The following ZNF385D variants were observed in gnomAD, a reference collection of about 807,000 sequenced individuals.
ZNF385D encodes zinc finger protein 385D.
Under a neutral mutation model 35.8 loss-of-function variants are expected in ZNF385D, and 15 were observed. The ratio of observed to expected loss-of-function variants is 0.42; its 90% CI spans 0.28 to 0.64. The LOEUF (loss-of-function observed/expected upper bound fraction) is 0.64. Among genes scored for constraint, ZNF385D ranks in the 30% least tolerant of loss-of-function variants. The pLI is 0.23. For synonymous variants in ZNF385D, 212 were observed against 186.8 expected (o/e 1.13, Z -1.10); for missense variants, 474 against 494.6 (o/e 0.96, Z 0.39).
At chr3:21,954,411 T>A (rs1182449347) in intron 3 of ZNF385D, among the ~76,000 whole-genome samples, 1 of 152,044 alleles carries the variant, frequency 6.6e-6, no homozygotes, top group East Asian at 1.9e-4. Context: ...TGGGAGTTTT[T>A]AATTATTTTA....
chr3:22,059,377 G>C (rs1289949481), intron 3 of ZNF385D, among the ~76,000 whole-genome samples: 7 of 152,186 alleles, frequency 4.6e-5, no homozygotes, highest in Non-Finnish European at 1.0e-4. Context: ...GTTGCAGCCA[G>C]CAGCAAGAAC....
In ZNF385D at chr3:21,842,017, GAATA is replaced by G. The variant is rs1374435933; in HGVS notation, c.326-176993_326-176990del. Among the ~76,000 whole-genome samples the G allele has an allele frequency of 8.6e-5, 13 of 151,238 alleles. No homozygotes were observed. The East Asian group carries it at 9.7e-4, about 11-fold the overall frequency. On this transcript the variant is annotated intron_variant, in intron 3 of 5. Transcript: ENST00000494108. The stretch of plus-strand genomic sequence containing the variant: ...ATGTATTTGTATAATATATAAAATG[GAATA>G]TATAATTGAAAATGTATTTGTATAA...
intron 4 of ZNF385D, among the ~76,000 whole-genome samples, chr3:21,439,376 G>A (rs1701745587): frequency 6.6e-6 from 1 of 151,052 alleles, no homozygotes; most frequent in Admixed American, 6.6e-5. Context: ...GTCACAGGGA[G>A]CAGTGGGCTA....
chr3:21,929,787 C>G (rs188236997), intron 3 of ZNF385D, among the ~76,000 whole-genome samples: 1 of 151,920 alleles, frequency 6.6e-6, no homozygotes, highest in South Asian at 2.1e-4. Context: ...ACAAATAATA[C>G]TGTAAGAAAT....
chr3:21,431,040 C>T (rs1701269208), intron 5 of ZNF385D: 1 of 152,138 alleles, frequency 6.6e-6, no homozygotes. Context: ...GCCTACCCAC[C>T]TATCAACTTT....
At position 21,850,835 on chromosome 3, in the gene ZNF385D, G is replaced by A. The variant is rs765342430; in HGVS notation, c.326-185807C>T. Reference sequence around the variant, plus strand: ...ACCTTTCCTAGTGGGCCTTAAAAATGTGCCTAAAAATTACAGAACAGATCC... The same window carrying A: ...ACCTTTCCTAGTGGGCCTTAAAAATATGCCTAAAAATTACAGAACAGATCC... On this transcript the variant is annotated intron_variant, in intron 3 of 5. Coordinates refer to the ZNF385D transcript ENST00000494108. Among the ~76,000 whole-genome samples the A allele has an allele frequency of 7.2e-5, 11 of 152,112 alleles. No homozygotes were observed. In the South Asian group the frequency reaches 1.2e-3, roughly 17 times the overall value.
chr3:21,543,194 T>C (rs1040961705), intron 3 of ZNF385D, among the ~76,000 whole-genome samples: 1 of 152,016 alleles, frequency 6.6e-6, no homozygotes, highest in Non-Finnish European at 1.5e-5. Context: ...GCCTGTAATC[T>C]CAGCTACACA....
intron 1 of ZNF385D, among the ~76,000 whole-genome samples, chr3:21,681,316 A>AAAAAAAAAAAAACAAAAAAAAC (rs1334410224): frequency 2.1e-5 from 3 of 141,676 alleles, no homozygotes; most frequent in East Asian, 2.1e-4. Flanking sequence ...AAAAAAAAAA[A>AAAAAAAAAAAAACAAAAAAAAC]AAAAAAAACC....
At chr3:22,157,449 TTTG>T (rs1343821784) in intron 3 of ZNF385D, among the ~76,000 whole-genome samples, 1 of 152,092 alleles carries the variant, frequency 6.6e-6, no homozygotes, top group Admixed American at 6.6e-5. Flanking sequence ...CTTCTTTCTT[TTTG>T]TTGTTTTTTT....
At chr3:21,585,739 A>G (rs1218518275) in intron 2 of ZNF385D, among the ~76,000 whole-genome samples, 1 of 152,214 alleles carries the variant, frequency 6.6e-6, no homozygotes, top group Non-Finnish European at 1.5e-5. Flanking sequence ...ACGCCTTGGC[A>G]AAAGTTCCCG....
chr3:21,545,598 A>G (rs2062344064), intron 3 of ZNF385D, among the ~76,000 whole-genome samples: 2 of 152,220 alleles, frequency 1.3e-5, no homozygotes, highest in South Asian at 4.1e-4. Flanking sequence ...AGTTGTTTGG[A>G]TGACAGCAAT....
chr3:21,777,945 A>C (rs2071351207), intron 3 of ZNF385D, among the ~76,000 whole-genome samples: 1 of 151,820 alleles, frequency 6.6e-6, no homozygotes, highest in Non-Finnish European at 1.5e-5. Flanking sequence ...GCTGAAGCAA[A>C]CCCATCCAGC....
chr3:22,238,390 G>A (rs1350787122), intron 2 of ZNF385D, among the ~76,000 whole-genome samples: 1 of 151,028 alleles, frequency 6.6e-6, no homozygotes, highest in African/African-American at 2.4e-5. Flanking sequence ...TGAATCTGTA[G>A]ATCAGTTTGA....
intron 2 of ZNF385D, among the ~76,000 whole-genome samples, chr3:22,202,749 A>G (rs1696885741): frequency 6.6e-6 from 1 of 152,092 alleles, no homozygotes; most frequent in Non-Finnish European, 1.5e-5. Flanking sequence ...AGCTTGGGGA[A>G]AAGACAGCAC....
chr3:22,246,870 C>T (rs1462545903), intron 2 of ZNF385D, among the ~76,000 whole-genome samples: 1 of 152,092 alleles, frequency 6.6e-6, no homozygotes, highest in Non-Finnish European at 1.5e-5. Flanking sequence ...AAGTTTAATT[C>T]TCAATGATTT....
intron 3 of ZNF385D, among the ~76,000 whole-genome samples, chr3:21,766,191 TGA>T (rs897160653): frequency 9.2e-5 from 14 of 152,122 alleles, no homozygotes; most frequent in African/African-American, 3.4e-4. Context: ...GATCTCCAGA[TGA>T]GAGACCTGTT....
chr3:21,914,062 T>C (rs1335520874), intron 3 of ZNF385D, among the ~76,000 whole-genome samples: 1 of 152,074 alleles, frequency 6.6e-6, no homozygotes, highest in African/African-American at 2.4e-5. Context: ...CCTCTTCCTC[T>C]GGGAAATTGT....
At chr3:21,772,000 C>T (rs913112022) in intron 3 of ZNF385D, among the ~76,000 whole-genome samples, 14 of 151,770 alleles carry the variant, frequency 9.2e-5, no homozygotes, top group African/African-American at 3.1e-4. Flanking sequence ...CTTCAACAAA[C>T]AGTTCTGGGA....
intron 3 of ZNF385D, among the ~76,000 whole-genome samples, chr3:22,119,995 CTTTTTTT>C (rs11345782): frequency 1.5e-3 from 211 of 136,304 alleles, no homozygotes; most frequent in African/African-American, 5.5e-3. Flanking sequence ...TTTCTTTTTT[CTTTTTTT>C]TTTTTTTGGT....
Sources: allele counts gnomAD v4.1 joint callset (sites outside exome capture counted in the v4.1 genomes callset), GRCh38; gene constraint gnomAD v4.1.1; transcripts MANE v1.5; gene names NCBI Gene and HGNC (gene_info 2026-07-23, HGNC 2026-07-21).